The following NIPAL3 variants were observed in gnomAD, a reference collection of about 807,000 sequenced individuals.
NIPAL3 encodes the protein NIPA-like protein 3.
Under a neutral mutation model 47.2 loss-of-function variants are expected in NIPAL3, and 41 were observed. That is an observed-to-expected ratio of 0.87 (90% CI 0.68 to 1.13). NIPAL3 has a LOEUF of 1.13. NIPAL3 is among the 50% of genes most tolerant of loss of function. The pLI is 0.00. For synonymous variants in NIPAL3, 194 were observed against 209.6 expected (o/e 0.93, Z 0.64); for missense variants, 449 against 530.1 (o/e 0.85, Z 1.50).
chr1:24,422,458 TACCTGGGGAGCTCTAA>T (rs1034109972), intron 2 of NIPAL3, among the ~76,000 whole-genome samples: 38 of 152,278 alleles, frequency 2.5e-4, no homozygotes, highest in African/African-American at 7.7e-4. Context: ...CCACCTGAAA[TACCTGGGGAGCTCTAA>T]AACATGCAGA....
At chr1:24,442,010 T>G in intron 3 of NIPAL3, 45 bp from the exon 4 acceptor site, 3 of 1,594,596 alleles carry the variant, frequency 1.9e-6, no homozygotes, top group Non-Finnish European at 2.6e-6. Flanking sequence ...TAGCATTTTT[T>G]TCCCCAAACA....
Position 24,456,163 on chromosome 1 carries a change from G to C in NIPAL3, c.663G>C (p.Lys221Asn). 1 of 1,614,212 alleles carries C rather than the reference G, an allele frequency of 6.2e-7. No individual in the cohort carries two copies. Among genetic ancestry groups the C allele is most frequent in the Non-Finnish European group, 8.5e-7 (1 of 1,180,032 alleles). The stretch of plus-strand genomic sequence containing the variant: ...GCTCCATGACAGTGGTGACAGTCAA[G>C]GCCGTGGCTGGGATGCTTGTCTTGT... ...LLGSMTVVTVKAVAGMLVLSI... is the reference protein window; with the variant it reads ...LLGSMTVVTVNAVAGMLVLSI... Residue 221 changes from lysine (K) to asparagine (N), a missense_variant, in exon 8 of 12, where the codon AAG becomes AAC. Physicochemically the swap from Lys to Asn is moderately conservative, Grantham distance 94 (BLOSUM62 0). Transcript: ENST00000374399.
At chr1:24,427,359 G>T (rs76565878) in intron 2 of NIPAL3, among the ~76,000 whole-genome samples, 1 of 152,298 alleles carries the variant, frequency 6.6e-6, no homozygotes, top group African/African-American at 2.4e-5. Context: ...AATTGGACCC[G>T]TCATCACTTC....
At chr1:24,441,122 A>G (rs1367422510) in intron 3 of NIPAL3, among the ~76,000 whole-genome samples, 2 of 152,136 alleles carry the variant, frequency 1.3e-5, no homozygotes, top group Admixed American at 6.5e-5. Flanking sequence ...CCCACAGCAC[A>G]CTGGCCGGCT....
chr1:24,445,808 G>C (rs1645629265), intron 5 of NIPAL3, among the ~76,000 whole-genome samples: 1 of 152,112 alleles, frequency 6.6e-6, no homozygotes, highest in Non-Finnish European at 1.5e-5. Flanking sequence ...GTTTGGGCCA[G>C]AGAAGGAAGA....
At chr1:24,446,069 CGTGTGTGTGTGTGTG>C (rs1645647385) in intron 5 of NIPAL3, among the ~76,000 whole-genome samples, 1 of 147,736 alleles carries the variant, frequency 6.8e-6, no homozygotes, top group African/African-American at 2.5e-5. Context: ...AGATTATAGT[CGTGTGTGTGTGTGTG>C]TGTGTGTGTG....
At chr1:24,437,339 C>T (rs1645170433) in intron 2 of NIPAL3, among the ~76,000 whole-genome samples, 1 of 152,120 alleles carries the variant, frequency 6.6e-6, no homozygotes, top group Non-Finnish European at 1.5e-5. Flanking sequence ...GGTTTTATTT[C>T]AAAAAACTAA....
At chr1:24,427,271 G>T (rs142848942) in intron 2 of NIPAL3, among the ~76,000 whole-genome samples, 11 of 152,308 alleles carry the variant, frequency 7.2e-5, no homozygotes, top group African/African-American at 2.6e-4. Flanking sequence ...GCACTGCAGG[G>T]TGCCTCGTAG....
chr1:24,419,497 A>T lies in NIPAL3; in HGVS notation c.-51A>T. On this transcript the variant is annotated 5_prime_UTR_variant, in exon 2 of 12. Transcript: ENST00000374399. ...GCATCTGGCCTGGGCCCCGCCTAGCAGCAGCTCCACCTCCTAGGCCAGGCC... is the reference window on the plus strand; with the variant it reads ...GCATCTGGCCTGGGCCCCGCCTAGCTGCAGCTCCACCTCCTAGGCCAGGCC... The T allele has an allele frequency of 6.6e-7, 1 of 1,525,350 alleles. No homozygotes were observed. Among genetic ancestry groups the T allele is most frequent in the Non-Finnish European group, 8.8e-7 (1 of 1,133,716 alleles). 94.5% of individuals were successfully genotyped at this position (1,525,350 alleles called of 1,614,324 possible). A position where few individuals can be genotyped will look rare whatever the true frequency, so the allele number is the denominator to read the frequency against.
Position 24,469,029 on chromosome 1 carries a change from A to T in NIPAL3, c.1065A>T (p.Glu355Asp). 4 of 1,614,170 alleles carry T rather than the reference A, an allele frequency of 2.5e-6. No homozygotes were observed. Among genetic ancestry groups the T allele is most frequent in the Non-Finnish European group, 3.4e-6 (4 of 1,180,032 alleles). ...MHDKGMTVQPELKASFSYGAL... is the reference protein window; with the variant it reads ...MHDKGMTVQPDLKASFSYGAL... ...ATAAAGGGATGACTGTCCAGCCTGAACTTAAAGCTTCTTTTTCCTATGGGG... is the reference window on the plus strand; with the variant it reads ...ATAAAGGGATGACTGTCCAGCCTGATCTTAAAGCTTCTTTTTCCTATGGGG... The change falls in exon 12 of 12, where the codon GAA (glutamate) becomes GAT (aspartate). Residue 355 changes from glutamate to aspartate, a missense_variant. Coordinates refer to ENST00000374399, the MANE Select transcript of NIPAL3 (RefSeq NM_020448.5).
chr1:24,456,343 G>C, intron 8 of NIPAL3, 70 bp downstream of exon 8: 2 of 1,597,622 alleles, frequency 1.3e-6, no homozygotes, highest in Non-Finnish European at 1.7e-6. Context: ...GCCTGATGAC[G>C]TATGCTGTGA....
chr1:24,430,718 A>G (rs11249112), intron 2 of NIPAL3, among the ~76,000 whole-genome samples: 28,941 of 152,168 alleles, frequency 0.19, 3,282 homozygotes, highest in East Asian at 0.3. Context: ...TGCTTTCACA[A>G]TTTCTGTGAC....
upstream of NIPAL3, chr1:24,414,441 G>A (rs569311215): frequency 6.6e-6 from 1 of 150,518 alleles, no homozygotes; most frequent in Non-Finnish European, 1.5e-5. Context: ...CTCTTCACAC[G>A]CTTCAGGGCA....
At chr1:24,463,757 A>G (rs937345412) in intron 10 of NIPAL3, among the ~76,000 whole-genome samples, 1 of 152,158 alleles carries the variant, frequency 6.6e-6, no homozygotes, top group Non-Finnish European at 1.5e-5. Flanking sequence ...AGCCATGAGA[A>G]GCTCGCCCAG....
At chr1:24,465,826 T>C (rs956987296) in intron 11 of NIPAL3, 3 of 882,404 alleles carry the variant, frequency 3.4e-6, no homozygotes, top group Non-Finnish European at 4.8e-6. Flanking sequence ...CTGGTTATAT[T>C]TGGTTTCACT....
chr1:24,461,462 A>C lies in NIPAL3; in HGVS notation c.926+918A>C, dbSNP rs1487773784. Among the ~76,000 whole-genome samples the C allele has an allele frequency of 2.6e-5, 4 of 151,118 alleles. No individual in the cohort carries two copies. In the East Asian group the frequency reaches 7.7e-4, roughly 29 times the overall value. ...GAGGCTGAGGCAGGAGAATCACTTG[A>C]ACCCGGGAGGCGGAGGTTGTGGTGA... is the stretch of plus-strand genomic sequence containing the variant. On this transcript the variant is annotated intron_variant, in intron 10 of 11. Transcript: ENST00000374399.
intron 2 of NIPAL3, among the ~76,000 whole-genome samples, chr1:24,422,941 T>A (rs781725485): frequency 5.3e-5 from 8 of 152,226 alleles, no homozygotes; most frequent in Non-Finnish European, 8.8e-5. Flanking sequence ...TGTTAAATTT[T>A]AATGAAGAGG....
At chr1:24,430,345 G>T (rs1189868140) in intron 2 of NIPAL3, among the ~76,000 whole-genome samples, 1 of 151,480 alleles carries the variant, frequency 6.6e-6, no homozygotes, top group African/African-American at 2.4e-5. Flanking sequence ...CCACCTCCCA[G>T]GTTCAAGTGA....
At chr1:24,414,531 C>CTTTTTTTTTT (rs57135976), upstream of NIPAL3, 1 of 83,168 alleles carries the variant, frequency 1.2e-5, no homozygotes, top group African/African-American at 5.1e-5. Context: ...GAAATCCAAG[C>CTTTTTTTTTT]TTTTTTTTTT....
Sources: gnomAD v4.1 joint callset for allele counts (sites outside exome capture counted in the v4.1 genomes callset) on GRCh38, gnomAD v4.1.1 for gene constraint, MANE v1.5 for transcripts, NCBI Gene and HGNC (gene_info 2026-07-23, HGNC 2026-07-21) for gene names.